Variants in RGPD4 observed in about 807,000 individuals in gnomAD.
The protein encoded by RGPD4 is RANBP2 like and GRIP domain containing 4.
RGPD4 carries 84 observed loss-of-function variants against 141.1 expected under a neutral mutation model. The observed-to-expected ratio is 0.60, with a 90% confidence interval of 0.50 to 0.71. The LOEUF (loss-of-function observed/expected upper bound fraction) is 0.71, where lower values mean the gene tolerates loss of function less well. RGPD4 is among the 30% of genes least tolerant of loss of function. The pLI is 0.00. For synonymous variants in RGPD4, 298 were observed against 566.8 expected (o/e 0.53, Z 6.74); for missense variants, 918 against 1,622.4 (o/e 0.57, Z 7.46).
intron 20 of RGPD4, among the ~76,000 whole-genome samples, chr2:107,878,115 A>T (rs1282968874): frequency 6.6e-6 from 1 of 150,902 alleles, no homozygotes. Flanking sequence ...CCCGGCCTTG[A>T]TGACTAAATT....
chr2:107,853,461 G>C (rs1682185942), intron 7 of RGPD4, among the ~76,000 whole-genome samples: 1 of 144,992 alleles, frequency 6.9e-6, no homozygotes. Context: ...ATAGGTTATT[G>C]CATGAGGATC....
chr2:107,827,327 G>T (rs1681242403), intron 1 of RGPD4, among the ~76,000 whole-genome samples: 1 of 137,862 alleles, frequency 7.3e-6, no homozygotes, highest in Admixed American at 7.1e-5. Context: ...GCCTCGACCC[G>T]GCCCGGCGGC....
Position 107,872,053 on chromosome 2 carries a change from G to A in RGPD4, c.4049G>A (p.Gly1350Asp), listed in dbSNP as rs1682943457. 1.2e-6 allele frequency: 2 copies of A among 1,611,432 alleles called. No homozygotes were observed. The highest frequency in any genetic ancestry group is 1.7e-6 in the Non-Finnish European group (2 of 1,179,854). ...PLPDLVEVSS[G>D]EENEKVVFSH... Reference sequence around the variant, plus strand: ...CCTGATCTAGTTGAAGTATCCAGTGGTGAGGAAAATGAAAAAGTTGTTTTT... The same window carrying A: ...CCTGATCTAGTTGAAGTATCCAGTGATGAGGAAAATGAAAAAGTTGTTTTT... Residue 1350 changes from glycine (G) to aspartate (D), a missense_variant, in exon 20 of 23, where the codon GGT (glycine) becomes GAT (aspartate). Gly to Asp is a moderately conservative substitution (Grantham distance 94). Transcript: ENST00000408999.
At chr2:107,849,512 A>G (rs1301566136) in intron 7 of RGPD4, among the ~76,000 whole-genome samples, 2 of 75,616 alleles carry the variant, frequency 2.6e-5, no homozygotes, top group East Asian at 3.2e-4. Context: ...GACTACAGGC[A>G]CCCGCCACCA....
At chr2:107,831,393 G>T (rs1377606907) in intron 1 of RGPD4, among the ~76,000 whole-genome samples, 1 of 144,092 alleles carries the variant, frequency 6.9e-6, no homozygotes, top group Non-Finnish European at 1.5e-5. Flanking sequence ...GGGCATAAAT[G>T]ATCCTCCTAC....
intron 6 of RGPD4, among the ~76,000 whole-genome samples, chr2:107,845,458 T>C (rs1207063210): frequency 2.0e-5 from 3 of 149,966 alleles, no homozygotes; most frequent in African/African-American, 7.5e-5. Context: ...GAGATGACCA[T>C]GGGAATGGAG....
chr2:107,829,468 G>A (rs1177491076), intron 1 of RGPD4, among the ~76,000 whole-genome samples: 1 of 70,240 alleles, frequency 1.4e-5, no homozygotes, highest in African/African-American at 5.1e-5. Context: ...GCCCGGCGGC[G>A]GCCTCGATGG....
intron 1 of RGPD4, among the ~76,000 whole-genome samples, chr2:107,835,547 C>T (rs1035270431): frequency 8.6e-5 from 13 of 151,620 alleles, no homozygotes; most frequent in Non-Finnish European, 1.9e-4. Context: ...CACAGGGAAT[C>T]CTCAGTGCCT....
chr2:107,827,081 G>C lies in RGPD4; in HGVS notation c.68G>C (p.Arg23Pro), dbSNP rs781782552. Residue 23 changes from arginine to proline, a missense_variant, in exon 1 of 23, where the codon CGA becomes CCA. Coordinates refer to ENST00000408999, the MANE Select transcript of RGPD4 (RefSeq NM_182588.3). ...GTGCAGGGCTCCGCCCCGTCGCCTC[G>C]AAAGGTGAGTGGATCTCGAAGAGAC... ...ASVQGSAPSP[R>P]KKSTRGFYFA... 1.2e-4 allele frequency: 192 copies of C among 1,590,242 alleles called. 1 individual carries two copies. Among genetic ancestry groups the C allele is most frequent in the African/African-American group, 1.2e-3 (86 of 74,484 alleles).
intron 1 of RGPD4, among the ~76,000 whole-genome samples, chr2:107,827,727 T>G (rs111531779): frequency 3.3e-4 from 16 of 47,992 alleles, no homozygotes; most frequent in South Asian, 9.0e-4. Context: ...GGCGGCGGCC[T>G]CGATGGCTCA....
chr2:107,889,038 A>G (rs1675581183), intron 22 of RGPD4, among the ~76,000 whole-genome samples: 1 of 145,716 alleles, frequency 6.9e-6, no homozygotes, highest in South Asian at 2.2e-4. Flanking sequence ...AGAACAGAAA[A>G]ATAAAATGAC....
At chr2:107,882,916 A>G in intron 22 of RGPD4, 43 bp downstream of exon 22, 1 of 1,155,892 alleles carries the variant, frequency 8.7e-7, no homozygotes. Flanking sequence ...TTCTAACTTA[A>G]ACTAAACAGC....
rs1301372939 is a variant in RGPD4 at position 107,850,644 on chromosome 2, A to G, written c.978+2108A>G. Among the ~76,000 whole-genome samples the G allele has an allele frequency of 4.8e-5, 2 of 41,896 alleles. 1 individual carries two copies. Among genetic ancestry groups the G allele is most frequent in the East Asian group, 6.7e-4 (2 of 2,992 alleles). The allele number at this position is 41,896 out of a possible 152,430, so 27.5% of individuals were successfully genotyped here. The stretch of plus-strand genomic sequence containing the variant: ...CAAGTAACTGATAGTTCTTATTTTT[A>G]TTTATTTTATTTTTTTTTTTGAGAC... On this transcript the variant is annotated intron_variant, in intron 7 of 22. Transcript: ENST00000408999.
In RGPD4 at chr2:107,844,058, G is replaced by A. The variant is rs551156710; in HGVS notation, c.782+328G>A. Among the ~76,000 whole-genome samples, 136 of 143,912 alleles carry A rather than the reference G, an allele frequency of 9.5e-4. 3 individuals carry two copies. Among genetic ancestry groups the A allele is most frequent in the African/African-American group, 3.2e-3 (130 of 40,358 alleles). 94.4% of individuals were successfully genotyped at this position (143,912 alleles called of 152,430 possible). A position where few individuals can be genotyped will look rare whatever the true frequency, so the allele number is the denominator to read the frequency against. ...TTTCATATTTTATTTTTTTATAATAGTATAATCTTGAGTGAAAATTAAGGT... is the reference window on the plus strand; with the variant it reads ...TTTCATATTTTATTTTTTTATAATAATATAATCTTGAGTGAAAATTAAGGT... On this transcript the variant is annotated intron_variant, in intron 6 of 22. Transcript: ENST00000408999.
At chr2:107,831,511 A>G (rs1681484977) in intron 1 of RGPD4, among the ~76,000 whole-genome samples, 1 of 137,552 alleles carries the variant, frequency 7.3e-6, no homozygotes, top group Admixed American at 7.1e-5. Context: ...ACACACATAT[A>G]TACTTTTGTT....
At chr2:107,877,820 G>GT (rs1171609548) in intron 20 of RGPD4, among the ~76,000 whole-genome samples, 33 of 151,510 alleles carry the variant, frequency 2.2e-4, no homozygotes, top group Non-Finnish European at 4.0e-4. Flanking sequence ...TTTTTTGTTT[G>GT]TTTTTTTGTT....
chr2:107,877,072 C>A (rs1023028937), intron 20 of RGPD4, among the ~76,000 whole-genome samples: 1 of 151,812 alleles, frequency 6.6e-6, no homozygotes, highest in Non-Finnish European at 1.5e-5. Flanking sequence ...GTCAAAGGGC[C>A]TGGTAAACTT....
At chr2:107,865,378 G>C (rs1286395841) in intron 17 of RGPD4, among the ~76,000 whole-genome samples, 2 of 151,076 alleles carry the variant, frequency 1.3e-5, no homozygotes, top group Admixed American at 1.3e-4. Context: ...TATTTTGTTT[G>C]AACACAGGGT....
chr2:107,880,026 C>T lies in RGPD4; in HGVS notation c.4983C>T (p.Ser1661=). 1 of 1,611,338 alleles carries T rather than the reference C, an allele frequency of 6.2e-7. No individual in the cohort carries two copies. The highest frequency in any genetic ancestry group is 2.2e-5 in the East Asian group (1 of 44,854). ...TKEELVQKLS[S]TTKSADHLNG... is the part of the protein sequence containing the mutation. Reference sequence around the variant, plus strand: ...AAGAATTGGTTCAGAAGCTCAGTTCCACCACAAAAAGTGCAGATCACTTAA... The same window carrying T: ...AAGAATTGGTTCAGAAGCTCAGTTCTACCACAAAAAGTGCAGATCACTTAA... Residue 1661 remains serine, a synonymous_variant, in exon 21 of 23, where the codon TCC becomes TCT. Transcript: ENST00000408999.
Sources: gnomAD v4.1 joint callset for allele counts (sites outside exome capture counted in the v4.1 genomes callset) on GRCh38, gnomAD v4.1.1 for gene constraint, MANE v1.5 for transcripts, NCBI Gene and HGNC (gene_info 2026-07-23, HGNC 2026-07-21) for gene names.